Variants in NRXN3 observed in about 807,000 individuals in gnomAD.
The protein encoded by NRXN3 is neurexin 3.
In NRXN3, 32 loss-of-function variants were observed where a neutral mutation model predicts 137.6. The observed-to-expected ratio is 0.23, with a 90% CI of 0.18 to 0.31. The LOEUF (loss-of-function observed/expected upper bound fraction) is 0.31, where lower values mean the gene tolerates loss of function less well. Among genes scored for constraint, NRXN3 ranks in the 10% least tolerant of loss-of-function variants. The probability of loss-of-function intolerance (pLI) is 1.00; values close to 1 mark genes in which losing one functional copy is unlikely to be tolerated. For missense variants in NRXN3, 1,574 were observed against 2,062.5 expected, an observed-to-expected ratio of 0.76 and a Z score of 4.59; for synonymous variants, 798 against 784.5, an observed-to-expected ratio of 1.02 and a Z score of -0.29.
chr14:79,820,865 T>A lies in NRXN3; in HGVS notation c.4093+15675T>A, dbSNP rs61064210. Among the ~76,000 whole-genome samples the A allele has an allele frequency of 1.7e-3, 260 of 152,242 alleles. 1 individual carries two copies. Among genetic ancestry groups the A allele is most frequent in the African/African-American group, 6.0e-3 (249 of 41,512 alleles). Reference sequence around the variant, plus strand: ...AACCATGAAGCTAAATCTTAATGTATCCCAAACCCCAGAGGGAGCATAAGG... The same window carrying A: ...AACCATGAAGCTAAATCTTAATGTAACCCAAACCCCAGAGGGAGCATAAGG... On this transcript the variant is annotated intron_variant, in intron 20 of 20. Transcript: ENST00000335750.
intron 8 of NRXN3, among the ~76,000 whole-genome samples, chr14:78,800,390 T>G (rs2098835157): frequency 6.6e-6 from 1 of 152,226 alleles, no homozygotes; most frequent in Non-Finnish European, 1.5e-5. Flanking sequence ...TGCTCAATTT[T>G]AGGTATCATT....
intron 19 of NRXN3, among the ~76,000 whole-genome samples, chr14:79,770,554 T>C (rs927978493): frequency 1.4e-5 from 2 of 147,350 alleles, no homozygotes; most frequent in African/African-American, 5.1e-5. Context: ...AAGGCAGAAA[T>C]AAAGATGTTC....
intron 15 of NRXN3, among the ~76,000 whole-genome samples, chr14:79,098,121 G>C (rs1364480477): frequency 6.6e-6 from 1 of 152,042 alleles, no homozygotes; most frequent in Non-Finnish European, 1.5e-5. Flanking sequence ...AACCCATAAT[G>C]GTCACTTTGG....
intron 10 of NRXN3, among the ~76,000 whole-genome samples, chr14:78,926,865 TA>T (rs1175379702): frequency 0.012 from 311 of 26,998 alleles, 130 homozygotes; most frequent in African/African-American, 0.067. Context: ...ATATATAATA[TA>T]TATATAATAT....
intron 15 of NRXN3, among the ~76,000 whole-genome samples, chr14:79,109,632 A>T (rs1385865433): frequency 6.6e-6 from 1 of 152,174 alleles, no homozygotes; most frequent in East Asian, 1.9e-4. Context: ...GCCTAGATTC[A>T]TTAAGAATTT....
At chr14:78,204,849 G>C (rs1236332241) in intron 1 of NRXN3, among the ~76,000 whole-genome samples, 2 of 152,108 alleles carry the variant, frequency 1.3e-5, no homozygotes, top group Admixed American at 6.5e-5. Flanking sequence ...CTGGGTTTTG[G>C]GTCACTTGGA....
chr14:79,028,701 T>C (rs2099602482), intron 15 of NRXN3, among the ~76,000 whole-genome samples: 1 of 152,018 alleles, frequency 6.6e-6, no homozygotes, highest in Admixed American at 6.6e-5. Flanking sequence ...AGGAGAGTCA[T>C]GGTTGGTTAG....
chr14:78,645,310 C>G lies in NRXN3; in HGVS notation c.948C>G (p.Ser316=). ...VNLALKDGAV[S]LVINLGSGAF... ...TGGCTCTGAAGGATGGTGCGGTCTC[C>G]TTGGTCATTAACCTGGGGTCCGGGG... The change falls in exon 5 of 21, where the codon TCC becomes TCG. Residue 316 remains serine (S), a synonymous_variant. Transcript: ENST00000335750. 6.3e-7 allele frequency: 1 copy of G among 1,598,890 alleles called. No homozygotes were observed. Among genetic ancestry groups the G allele is most frequent in the Non-Finnish European group, 8.5e-7 (1 of 1,179,774 alleles).
At chr14:78,234,898 G>C (rs1182591676) in intron 1 of NRXN3, among the ~76,000 whole-genome samples, 1 of 151,208 alleles carries the variant, frequency 6.6e-6, no homozygotes, top group Non-Finnish European at 1.5e-5. Context: ...TGACTGGTCA[G>C]ATTGACACAG....
intron 10 of NRXN3, among the ~76,000 whole-genome samples, chr14:78,919,226 C>T (rs1421124388): frequency 6.6e-6 from 1 of 152,066 alleles, no homozygotes; most frequent in East Asian, 1.9e-4. Context: ...ATCTGTAATT[C>T]TGTGTATTAC....
intron 16 of NRXN3, among the ~76,000 whole-genome samples, chr14:79,556,443 C>T (rs894779244): frequency 2.6e-5 from 4 of 152,092 alleles, no homozygotes; most frequent in African/African-American, 9.7e-5. Context: ...TGGATATAAA[C>T]AAAAAACATA....
chr14:79,786,942 A>C (rs1006875171), intron 19 of NRXN3, among the ~76,000 whole-genome samples: 3 of 152,236 alleles, frequency 2.0e-5, no homozygotes, highest in African/African-American at 7.2e-5. Context: ...TAGTGTGGCC[A>C]AAGAATCATA....
In NRXN3 at chr14:79,491,945, A is replaced by T. The variant is rs1008984669; in HGVS notation, c.3444+24543A>T. Among the ~76,000 whole-genome samples the T allele has an allele frequency of 2.0e-5, 3 of 152,216 alleles. No homozygotes were observed. The East Asian group carries it at 5.8e-4, about 29-fold the overall frequency. The stretch of plus-strand genomic sequence containing the variant: ...TCCTAAGGAGACAATTCTCTGACAA[A>T]CATAACCAACTGGCAATTACAAATC... On this transcript the variant is annotated intron_variant, in intron 16 of 20. Coordinates refer to ENST00000335750, the MANE Select transcript of NRXN3 (RefSeq NM_001330195.2).
intron 10 of NRXN3, among the ~76,000 whole-genome samples, chr14:78,930,472 A>C (rs1419483817): frequency 1.3e-5 from 2 of 152,236 alleles, no homozygotes; most frequent in Non-Finnish European, 2.9e-5. Flanking sequence ...ATTGTAATTA[A>C]GACAAATATG....
intron 4 of NRXN3, among the ~76,000 whole-genome samples, chr14:78,312,246 T>C (rs148661720): frequency 6.6e-6 from 1 of 152,194 alleles, no homozygotes; most frequent in Non-Finnish European, 1.5e-5. Context: ...AACTCCAGCT[T>C]TCAAAGTTGT....
chr14:78,874,356 G>C (rs1241053704), intron 10 of NRXN3, among the ~76,000 whole-genome samples: 1 of 152,134 alleles, frequency 6.6e-6, no homozygotes, highest in Admixed American at 6.5e-5. Context: ...CTTTTACATT[G>C]TCGTAAGTAA....
rs183300923 is a variant in NRXN3, at chr14:79,362,661, A to G, written c.3263-104560A>G. On this transcript the variant is annotated intron_variant, in intron 15 of 20. Coordinates refer to ENST00000335750, the MANE Select transcript of NRXN3 (RefSeq NM_001330195.2). ...TGATCTTTACACAATTGTAAAACAA[A>G]GGGAAGATTATGTGACGCAGATGCC... Among the ~76,000 whole-genome samples, 384 of 152,338 alleles carry G rather than the reference A, an allele frequency of 2.5e-3. 2 individuals carry two copies. Among genetic ancestry groups the G allele is most frequent in the African/African-American group, 9.0e-3 (373 of 41,584 alleles).
intron 16 of NRXN3, among the ~76,000 whole-genome samples, chr14:79,626,413 T>C (rs767980210): frequency 1.2e-4 from 18 of 149,584 alleles, no homozygotes; most frequent in Non-Finnish European, 1.6e-4. Context: ...TTTTCTTTTT[T>C]TTTTTTTAAA....
chr14:79,770,894 A>G (rs1466219155), intron 19 of NRXN3, among the ~76,000 whole-genome samples: 1 of 152,084 alleles, frequency 6.6e-6, no homozygotes, highest in East Asian at 1.9e-4. Flanking sequence ...TAATAAAGAG[A>G]AAAAGAGAGA....
Sources: allele counts gnomAD v4.1 joint callset (sites outside exome capture counted in the v4.1 genomes callset), GRCh38; gene constraint gnomAD v4.1.1; transcripts MANE v1.5; gene names NCBI Gene and HGNC (gene_info 2026-07-23, HGNC 2026-07-21).